Variants in IL21R observed in about 807,000 individuals in gnomAD.
IL21R encodes the protein interleukin-21 receptor.
In IL21R, 14 loss-of-function variants were observed where a neutral mutation model predicts 41.3. That is an observed-to-expected ratio of 0.34 (90% CI 0.22 to 0.53). IL21R has a LOEUF of 0.53. IL21R is among the 20% of genes least tolerant of loss of function. The probability of loss-of-function intolerance (pLI) is 0.94; values close to 1 mark genes in which losing one functional copy is unlikely to be tolerated. For missense variants in IL21R, 588 were observed against 681.6 expected (o/e 0.86, Z 1.53); for synonymous variants, 286 against 287.6 (o/e 0.99, Z 0.05).
intron 1 of IL21R, among the ~76,000 whole-genome samples, chr16:27,423,885 G>T (rs8062670): frequency 2.6e-5 from 4 of 151,840 alleles, no homozygotes; most frequent in Non-Finnish European, 4.4e-5. Flanking sequence ...GCATGTGTTC[G>T]CTTTTATTAG....
chr16:27,448,837 C>T lies in IL21R; in HGVS notation c.1171C>T (p.Pro391Ser). 1 of 1,613,186 alleles carries T rather than the reference C, an allele frequency of 6.2e-7. No homozygotes were observed. The highest frequency in any genetic ancestry group is 8.5e-7 in the Non-Finnish European group (1 of 1,179,994). The change falls in exon 9 of 9, where the codon CCC (proline) becomes TCC (serine). Residue 391 changes from proline (P) to serine (S), a missense_variant. By Grantham distance (74) the Pro-to-Ser change is moderately conservative. Transcript: ENST00000337929. The stretch of plus-strand genomic sequence containing the variant: ...AGATGCAGAGGGGCCATGCACCTGG[C>T]CCTGCAGCTGTGAGGATGACGGCTA... Reference protein sequence around the residue: ...VLDAEGPCTWPCSCEDDGYPA... With the variant: ...VLDAEGPCTWSCSCEDDGYPA...
intron 1 of IL21R, among the ~76,000 whole-genome samples, chr16:27,429,755 C>G (rs1198438120): frequency 6.6e-6 from 1 of 152,138 alleles, no homozygotes; most frequent in Non-Finnish European, 1.5e-5. Flanking sequence ...GCCTGGGCAA[C>G]AGAACATGAC....
At chr16:27,437,805 G>C (rs1217740642) in intron 4 of IL21R, 118 bp downstream of exon 4, 40 of 764,052 alleles carry the variant, frequency 5.2e-5, no homozygotes, top group Non-Finnish European at 6.9e-5. Flanking sequence ...TGGGACAACA[G>C]GTGTACACCA....
rs2087374892 is a variant in IL21R, at chr16:27,440,780, G to A, written c.353-2182G>A. On this transcript the variant is annotated intron_variant, in intron 4 of 8. Coordinates refer to ENST00000337929, the MANE Select transcript of IL21R (RefSeq NM_181078.3). ...AAAGTGAAGAAGGTGGCTGGGTGTGGTGGCTCACACCTGTAGTCCCAGCAC... is the reference window on the plus strand; with the variant it reads ...AAAGTGAAGAAGGTGGCTGGGTGTGATGGCTCACACCTGTAGTCCCAGCAC... 3.3e-5 allele frequency among the ~76,000 whole-genome samples: 5 copies of A among 152,138 alleles called. No individual in the cohort carries two copies. In the South Asian group the frequency reaches 1.0e-3, roughly 31 times the overall value.
rs1286527855 is a variant in IL21R, at chr16:27,451,058, G to A, written c.*1775G>A. 8.6e-6 allele frequency: 2 copies of A among 233,478 alleles called. No homozygotes were observed. Among genetic ancestry groups the A allele is most frequent in the Non-Finnish European group, 1.7e-5 (2 of 118,256 alleles). 14.5% of individuals were successfully genotyped at this position (233,478 alleles called of 1,614,324 possible). ...GAGTGGGACTGTGAGCCTGGGATCG[G>A]GGGGTGTGAGACTTGGATGGGAGCA... On this transcript the variant is annotated 3_prime_UTR_variant, in exon 9 of 9. Coordinates refer to ENST00000337929, the MANE Select transcript of IL21R (RefSeq NM_181078.3).
intron 1 of IL21R, among the ~76,000 whole-genome samples, chr16:27,427,938 TG>T (rs1433337883): frequency 6.6e-6 from 1 of 152,238 alleles, no homozygotes; most frequent in Non-Finnish European, 1.5e-5. Context: ...CTTAGGATGA[TG>T]CTGGAGTTAA....
intron 7 of IL21R, among the ~76,000 whole-genome samples, 179 bp downstream of exon 7, chr16:27,445,455 T>C (rs970260163): frequency 6.6e-6 from 1 of 152,202 alleles, no homozygotes; most frequent in South Asian, 2.1e-4. Flanking sequence ...TTCACCCCCA[T>C]GGCTGCCCTA....
rs554674460 is a variant in IL21R at position 27,447,213 on chromosome 16, C to A, written c.867+1125C>A. On this transcript the variant is annotated intron_variant, in intron 8 of 8. Transcript: ENST00000337929. ...ACATTGATTTTGGGTTGATTTTTAC[C>A]AATACTCATATAGCACTTGCTATAT... 4.6e-5 allele frequency among the ~76,000 whole-genome samples: 7 copies of A among 152,144 alleles called. No homozygotes were observed. In the East Asian group the frequency reaches 1.2e-3, roughly 25 times the overall value.
intron 4 of IL21R, among the ~76,000 whole-genome samples, chr16:27,441,968 C>G (rs945005390): frequency 5.9e-5 from 9 of 152,148 alleles, no homozygotes; most frequent in African/African-American, 2.2e-4. Flanking sequence ...GCTATGATCG[C>G]ACCACTGCAC....
At chr16:27,422,655 T>A (rs1362181841) in intron 1 of IL21R, among the ~76,000 whole-genome samples, 3 of 152,184 alleles carry the variant, frequency 2.0e-5, no homozygotes, top group Admixed American at 2.0e-4. Flanking sequence ...AAATTTCTGA[T>A]AGAATTTTTG....
intron 8 of IL21R, 35 bp downstream of exon 8, chr16:27,446,123 C>T (rs748128465): frequency 6.4e-7 from 1 of 1,570,192 alleles, no homozygotes; most frequent in South Asian, 1.1e-5. Flanking sequence ...CTCCTCGGAG[C>T]CCCTCCTCCT....
chr16:27,445,138 A>G, intron 6 of IL21R, 39 bp from the exon 7 acceptor site: 1 of 1,452,424 alleles, frequency 6.9e-7, no homozygotes, highest in Non-Finnish European at 9.7e-7. Context: ...CCTCTGGTAG[A>G]GTTGGTGCCA....
intron 4 of IL21R, among the ~76,000 whole-genome samples, chr16:27,437,902 G>A (rs529567440): frequency 4.7e-4 from 71 of 152,228 alleles, no homozygotes; most frequent in African/African-American, 1.6e-3. Context: ...GGGCTCCAGC[G>A]ATCCACTTGC....
At chr16:27,411,739 C>T (rs913241012) in intron 1 of IL21R, among the ~76,000 whole-genome samples, 2 of 152,084 alleles carry the variant, frequency 1.3e-5, no homozygotes, top group Non-Finnish European at 2.9e-5. Context: ...GCTGGGATTA[C>T]AGGTGTGAGC....
chr16:27,408,404 G>A (rs2086779865), intron 1 of IL21R, among the ~76,000 whole-genome samples: 2 of 152,188 alleles, frequency 1.3e-5, no homozygotes, highest in Admixed American at 1.3e-4. Flanking sequence ...ATGAATACTG[G>A]GGGCTAGATC....
At chr16:27,442,148 TTG>T (rs1480302127) in intron 4 of IL21R, among the ~76,000 whole-genome samples, 3 of 152,182 alleles carry the variant, frequency 2.0e-5, no homozygotes, top group East Asian at 3.9e-4. Context: ...GCGTGTGCAT[TTG>T]TGTGTGTGCA....
chr16:27,434,532 TG>T, intron 3 of IL21R, 83 bp downstream of exon 3: 3 of 833,610 alleles, frequency 3.6e-6, no homozygotes, highest in Non-Finnish European at 6.0e-6. Context: ...CACTGTGCAC[TG>T]AGGACCACTG....
At chr16:27,441,516 C>A (rs1431555863) in intron 4 of IL21R, among the ~76,000 whole-genome samples, 2 of 152,306 alleles carry the variant, frequency 1.3e-5, no homozygotes, top group East Asian at 3.9e-4. Flanking sequence ...GGGTGTCAAA[C>A]TGCCCAGAGC....
intron 1 of IL21R, among the ~76,000 whole-genome samples, chr16:27,403,526 C>T (rs923724407): frequency 6.6e-6 from 1 of 152,148 alleles, no homozygotes; most frequent in Non-Finnish European, 1.5e-5. Flanking sequence ...CCCGGCCACG[C>T]GCCTTCCTCA....
Sources: allele counts gnomAD v4.1 joint callset (sites outside exome capture counted in the v4.1 genomes callset), GRCh38; gene constraint gnomAD v4.1.1; transcripts MANE v1.5; gene names NCBI Gene and HGNC (gene_info 2026-07-23, HGNC 2026-07-21).